Variants in GDA observed in about 807,000 individuals in gnomAD.
The protein encoded by GDA is guanine deaminase.
Under a neutral mutation model 59.6 loss-of-function variants are expected in GDA, and 18 were observed. The observed-to-expected ratio is 0.30, with a 90% CI of 0.21 to 0.45. The LOEUF is 0.45. Ranked by LOEUF, GDA falls within the 20% of genes least tolerant of loss-of-function variation. The pLI is 1.00. For missense variants in GDA, 427 were observed against 552.3 expected (o/e 0.77, Z 2.27); for synonymous variants, 201 against 201.1 (o/e 1.00, Z 0.00).
chr9:72,231,714 C>G (rs1223765099), intron 10 of GDA, among the ~76,000 whole-genome samples: 1 of 152,050 alleles, frequency 6.6e-6, no homozygotes, highest in African/African-American at 2.4e-5. Flanking sequence ...CTAAAAAGTC[C>G]TTGACTTTTG....
intron 1 of GDA, among the ~76,000 whole-genome samples, chr9:72,179,981 G>C (rs1830980954): frequency 1.3e-5 from 2 of 151,934 alleles, no homozygotes; most frequent in African/African-American, 2.4e-5. Context: ...ACTGGCGGGG[G>C]GGGTTAGGAC....
chr9:72,121,547 A>C (rs1171786590), intron 1 of GDA, among the ~76,000 whole-genome samples: 2 of 152,220 alleles, frequency 1.3e-5, no homozygotes, highest in Admixed American at 1.3e-4. Flanking sequence ...CAGTGAGCTG[A>C]GATCGCGCCA....
At chr9:72,225,230 G>T (rs1442952896) in intron 7 of GDA, among the ~76,000 whole-genome samples, 3 of 152,142 alleles carry the variant, frequency 2.0e-5, no homozygotes, top group African/African-American at 7.2e-5. Context: ...GCAGTGAGTG[G>T]AGATTGTGCC....
In GDA at chr9:72,227,932, CT is replaced by C. The variant is rs1202780981; in HGVS notation, c.823-9del. 1.3e-6 allele frequency: 2 copies of C among 1,502,902 alleles called. No homozygotes were observed. Among genetic ancestry groups the C allele is most frequent in the East Asian group, 2.3e-5 (1 of 44,340 alleles). 93.1% of individuals were successfully genotyped at this position (1,502,902 alleles called of 1,614,324 possible). A position where few individuals can be genotyped will look rare whatever the true frequency, so the allele number is the denominator to read the frequency against. On this transcript the variant is annotated splice_polypyrimidine_tract_variant and intron_variant, in intron 8 of 13. Coordinates refer to ENST00000358399, the MANE Select transcript of GDA (RefSeq NM_004293.5). ...AGCGGTAAACTCCACGTAGGGCACT[CT>C]TCTCTCCAGACAGTGATGGCACACG...
At chr9:72,143,424 C>T (rs532495196) in intron 1 of GDA, among the ~76,000 whole-genome samples, 6 of 152,182 alleles carry the variant, frequency 3.9e-5, no homozygotes, top group Admixed American at 6.6e-5. Context: ...CCACCACACC[C>T]GGCCCAAGAA....
rs13439903 is a variant in GDA, at chr9:72,226,619, A to G, written c.822+835A>G. Among the ~76,000 whole-genome samples, 1,015 of 152,358 alleles carry G rather than the reference A, an allele frequency of 6.7e-3. 9 individuals are homozygous for G. The highest frequency in any genetic ancestry group is 0.023 in the African/African-American group (937 of 41,580). On this transcript the variant is annotated intron_variant, in intron 8 of 13. Coordinates refer to ENST00000358399, the MANE Select transcript of GDA (RefSeq NM_004293.5). ...GTACAAACCGCATGGAGAGTTTACC[A>G]TAGCAAATAATTTCTTAGTGACTGT...
At chr9:72,115,300 TC>T (rs1825398475) in intron 1 of GDA, among the ~76,000 whole-genome samples, 1 of 152,194 alleles carries the variant, frequency 6.6e-6, no homozygotes, top group African/African-American at 2.4e-5. Flanking sequence ...CTGACTAGTT[TC>T]AATCCAATGA....
At chr9:72,157,722 T>A (rs1828094731) in intron 1 of GDA, among the ~76,000 whole-genome samples, 2 of 152,224 alleles carry the variant, frequency 1.3e-5, no homozygotes, top group African/African-American at 4.8e-5. Context: ...TACTCTTCTA[T>A]AACCATCTAT....
chr9:72,208,186 T>G (rs554602414), intron 3 of GDA, among the ~76,000 whole-genome samples: 66 of 152,328 alleles, frequency 4.3e-4, no homozygotes, highest in African/African-American at 1.6e-3. Context: ...GGCATGTTCA[T>G]TTCTATTATC....
chr9:72,121,049 A>G (rs879874104), intron 1 of GDA, among the ~76,000 whole-genome samples: 1 of 152,078 alleles, frequency 6.6e-6, no homozygotes, highest in Non-Finnish European at 1.5e-5. Flanking sequence ...GCGTTTCAAT[A>G]CCCTCTCGAG....
intron 10 of GDA, among the ~76,000 whole-genome samples, chr9:72,231,468 G>A (rs1158014877): frequency 6.6e-6 from 1 of 151,938 alleles, no homozygotes; most frequent in African/African-American, 2.4e-5. Flanking sequence ...GGGAGGCTGA[G>A]GCAGGAGAAT....
intron 7 of GDA, among the ~76,000 whole-genome samples, chr9:72,224,027 C>A (rs1381557026): frequency 2.0e-5 from 3 of 152,146 alleles, no homozygotes; most frequent in Non-Finnish European, 4.4e-5. Flanking sequence ...TTATTATTTG[C>A]AGCCTATAAT....
At chr9:72,164,353 A>AT (rs751299853) in intron 1 of GDA, among the ~76,000 whole-genome samples, 3 of 152,194 alleles carry the variant, frequency 2.0e-5, no homozygotes, top group Non-Finnish European at 4.4e-5. Flanking sequence ...TGCAGGTGTC[A>AT]TGTTACTGAG....
Position 72,250,757 on chromosome 9 carries a change from A to G in GDA, c.*2415A>G. 3.1e-6 allele frequency: 5 copies of G among 1,611,986 alleles called. No homozygotes were observed. Among genetic ancestry groups the G allele is most frequent in the Non-Finnish European group, 4.2e-6 (5 of 1,179,214 alleles). On this transcript the variant is annotated 3_prime_UTR_variant, in exon 14 of 14. Coordinates refer to ENST00000358399, the MANE Select transcript of GDA (RefSeq NM_004293.5). ...TATCTTGCTCTCTGACAGGAAAGAAACAATTCACTTACCAGCCTCCTCACC... is the reference window on the plus strand; with the variant it reads ...TATCTTGCTCTCTGACAGGAAAGAAGCAATTCACTTACCAGCCTCCTCACC...
chr9:72,174,279 G>A (rs982259740), intron 1 of GDA, among the ~76,000 whole-genome samples: 3 of 152,174 alleles, frequency 2.0e-5, no homozygotes, highest in African/African-American at 7.2e-5. Context: ...TAATAGGAAA[G>A]ACAGATATGA....
chr9:72,123,953 A>G (rs1825763883), intron 1 of GDA, among the ~76,000 whole-genome samples: 1 of 152,242 alleles, frequency 6.6e-6, no homozygotes, highest in African/African-American at 2.4e-5. Context: ...GAAGAGGTCC[A>G]AAGACAGTGA....
downstream of GDA, chr9:72,256,975 CTGT>C (rs1399213707): frequency 1.3e-5 from 2 of 152,450 alleles, no homozygotes; most frequent in East Asian, 1.9e-4. Flanking sequence ...TGGCAGATAA[CTGT>C]TGTTGTTTCC....
intron 3 of GDA, among the ~76,000 whole-genome samples, chr9:72,205,110 C>CAA (rs71357549): frequency 0.36 from 30,585 of 85,530 alleles, 5,567 homozygotes; most frequent in East Asian, 0.55. Flanking sequence ...GACTCTGTCT[C>CAA]AAAAAAAAAA....
At chr9:72,189,956 T>G (rs1233085625) in intron 1 of GDA, among the ~76,000 whole-genome samples, 2 of 152,358 alleles carry the variant, frequency 1.3e-5, no homozygotes, top group East Asian at 3.9e-4. Context: ...AAACTCATGT[T>G]AATATTTAAT....
Sources: gnomAD v4.1 joint callset for allele counts (sites outside exome capture counted in the v4.1 genomes callset) on GRCh38, gnomAD v4.1.1 for gene constraint, MANE v1.5 for transcripts, NCBI Gene and HGNC (gene_info 2026-07-23, HGNC 2026-07-21) for gene names.